DIAPH2: variants seen among roughly 807,000 people sequenced by gnomAD.
DIAPH2 encodes protein diaphanous homolog 2.
A neutral mutation model predicts 92.7 loss-of-function variants in DIAPH2; 35 were observed. The ratio of observed to expected loss-of-function variants is 0.38; its 90% CI spans 0.29 to 0.50. The LOEUF (loss-of-function observed/expected upper bound fraction) is 0.50. DIAPH2 is among the 20% of genes least tolerant of loss of function. The probability of loss-of-function intolerance (pLI) is 0.94; values close to 1 mark genes in which losing one functional copy is unlikely to be tolerated. For synonymous variants in DIAPH2, 301 were observed against 280.4 expected, an observed-to-expected ratio of 1.07 and a Z score of -0.73; for missense variants, 701 against 819.5, an observed-to-expected ratio of 0.86 and a Z score of 1.77.
At chrX:96,760,760 C>G (rs2064262801) in intron 4 of DIAPH2, among the ~76,000 whole-genome samples, 1 of 110,903 alleles carries the variant, frequency 9.0e-6, no homozygotes, top group African/African-American at 3.3e-5. Flanking sequence ...ATAAAGGAAA[C>G]CATAAGATAA....
At chrX:96,803,673 A>G (rs1357292349) in intron 4 of DIAPH2, among the ~76,000 whole-genome samples, 1 of 112,096 alleles carries the variant, frequency 8.9e-6, no homozygotes, top group African/African-American at 3.2e-5. Context: ...CTCAAATCCA[A>G]AGTCCTTTTT....
intron 4 of DIAPH2, among the ~76,000 whole-genome samples, chrX:96,772,869 T>G (rs1176764580): frequency 1.8e-5 from 2 of 112,874 alleles, no homozygotes; most frequent in African/African-American, 6.4e-5. Flanking sequence ...ATGTAACTCT[T>G]GTGCTTGGAG....
chrX:96,810,824 G>A (rs1184477471), intron 4 of DIAPH2, among the ~76,000 whole-genome samples: 2 of 111,647 alleles, frequency 1.8e-5, no homozygotes, highest in South Asian at 7.7e-4. Flanking sequence ...AGATCAGATG[G>A]TTGCAGATGT....
At chrX:97,348,994 ATATATATATGTGTGTGTATATATATGTG>A (rs2069183376) in intron 24 of DIAPH2, among the ~76,000 whole-genome samples, 1 of 107,918 alleles carries the variant, frequency 9.3e-6, no homozygotes, top group African/African-American at 3.4e-5. Context: ...GTGTGTGTGT[ATATATATATGTGTGTGTATATATATGTG>A]TATATATATG....
At chrX:97,225,355 T>C (rs2067956961) in intron 22 of DIAPH2, among the ~76,000 whole-genome samples, 1 of 111,472 alleles carries the variant, frequency 9.0e-6, no homozygotes, top group South Asian at 3.8e-4. Flanking sequence ...CGTGTATGGG[T>C]TATATGCAAG....
At chrX:97,018,740 A>G (rs1406203405) in intron 17 of DIAPH2, among the ~76,000 whole-genome samples, 1 of 111,664 alleles carries the variant, frequency 9.0e-6, no homozygotes. Context: ...AGTGTGGTAC[A>G]TTTTTTACAC....
At chrX:96,824,774 A>G (rs755495797) in intron 4 of DIAPH2, among the ~76,000 whole-genome samples, 2 of 111,377 alleles carry the variant, frequency 1.8e-5, no homozygotes, top group Non-Finnish European at 3.8e-5. Flanking sequence ...AGCATACATC[A>G]CCTATCACAA....
intron 12 of DIAPH2, among the ~76,000 whole-genome samples, chrX:96,939,619 T>C (rs991247437): frequency 2.9e-4 from 17 of 57,634 alleles, no homozygotes; most frequent in Middle Eastern, 0.011. Context: ...CACACACATA[T>C]ACACACACAC....
chrX:97,327,986 A>T (rs1275765258), intron 23 of DIAPH2, among the ~76,000 whole-genome samples: 1 of 112,598 alleles, frequency 8.9e-6, no homozygotes, highest in East Asian at 2.8e-4. Context: ...TAATTTACTT[A>T]AAAACAAAGA....
At chrX:97,266,150 T>C (rs911223746) in intron 23 of DIAPH2, among the ~76,000 whole-genome samples, 3 of 111,792 alleles carry the variant, frequency 2.7e-5, no homozygotes, top group Non-Finnish European at 5.6e-5. Context: ...TTTGTACATT[T>C]CTCAAATAAT....
At chrX:96,929,449 A>G (rs1298677091) in intron 9 of DIAPH2, among the ~76,000 whole-genome samples, 4 of 111,266 alleles carry the variant, frequency 3.6e-5, no homozygotes, top group Non-Finnish European at 3.8e-5. Context: ...CATGTTAGAA[A>G]CAACCTTAAT....
intron 3 of DIAPH2, among the ~76,000 whole-genome samples, chrX:96,746,368 G>A (rs1030336714): frequency 2.7e-5 from 3 of 111,628 alleles, no homozygotes; most frequent in African/African-American, 9.8e-5. Flanking sequence ...TAAAACCACT[G>A]CTTTTATAAG....
intron 5 of DIAPH2, among the ~76,000 whole-genome samples, chrX:96,897,329 T>A (rs192949038): frequency 9.0e-6 from 1 of 110,602 alleles, no homozygotes. Context: ...CTCACCCACC[T>A]CCCAACATCC....
intron 22 of DIAPH2, among the ~76,000 whole-genome samples, chrX:97,154,370 T>C (rs1410169997): frequency 8.9e-6 from 1 of 111,755 alleles, no homozygotes; most frequent in African/African-American, 3.2e-5. Flanking sequence ...CAAAAGGATA[T>C]AAAATATGAA....
chrX:97,030,140 G>C (rs184647743), intron 17 of DIAPH2, among the ~76,000 whole-genome samples: 1 of 111,639 alleles, frequency 9.0e-6, no homozygotes, highest in African/African-American at 3.2e-5. Flanking sequence ...ATAAGAAATG[G>C]AGGAAAAAGT....
chrX:97,001,373 G>C (rs1028025277), intron 17 of DIAPH2, among the ~76,000 whole-genome samples: 1 of 112,014 alleles, frequency 8.9e-6, no homozygotes, highest in Non-Finnish European at 1.9e-5. Flanking sequence ...GTCCAGGTGC[G>C]GTGGCTCACG....
chrX:97,392,016 A>T (rs979766711), intron 25 of DIAPH2, among the ~76,000 whole-genome samples: 37 of 111,994 alleles, frequency 3.3e-4, no homozygotes, highest in African/African-American at 1.2e-3. Flanking sequence ...TTTTAATTGT[A>T]AAGGAGAAAA....
intron 21 of DIAPH2, among the ~76,000 whole-genome samples, 162 bp from the exon 22 acceptor site, chrX:97,141,503 G>A (rs1176501406): frequency 1.8e-5 from 2 of 111,100 alleles, no homozygotes; most frequent in Non-Finnish European, 3.8e-5. Context: ...AAAATATGGA[G>A]CTCCTTTTAA....
Position 97,019,870 on chromosome X carries a change from A to T in DIAPH2, c.2051-53071A>T, listed in dbSNP as rs891617696. On this transcript the variant is annotated intron_variant, in intron 17 of 26. Coordinates refer to ENST00000324765, the MANE Select transcript of DIAPH2 (RefSeq NM_006729.5). ...TTCTGCTAAAAAAACTAAGGCTGTT[A>T]GTGAAGTTATAAAAATCACAAAAGA... is the stretch of plus-strand genomic sequence containing the variant. 5.3e-5 allele frequency among the ~76,000 whole-genome samples: 6 copies of T among 112,382 alleles called. No homozygotes were observed. The South Asian group carries it at 1.8e-3, about 35-fold the overall frequency.
Sources: gnomAD v4.1 joint callset for allele counts (sites outside exome capture counted in the v4.1 genomes callset) on GRCh38, gnomAD v4.1.1 for gene constraint, MANE v1.5 for transcripts, NCBI Gene and HGNC (gene_info 2026-07-23, HGNC 2026-07-21) for gene names.